Variants in HPSE2 observed in about 807,000 individuals in gnomAD.
The protein encoded by HPSE2 is heparanase 2 (inactive).
A neutral mutation model predicts 60.5 loss-of-function variants in HPSE2; 38 were observed. That is an observed-to-expected ratio of 0.63 (90% CI 0.48 to 0.82). HPSE2 has a LOEUF of 0.82. HPSE2 is among the 40% of genes least tolerant of loss of function. The probability of loss-of-function intolerance (pLI) is 0.00; values close to 1 mark genes in which losing one functional copy is unlikely to be tolerated. For synonymous variants in HPSE2, 295 were observed against 293.2 expected (o/e 1.01, Z -0.06); for missense variants, 713 against 740.4 (o/e 0.96, Z 0.43).
chr10:98,475,782 G>A (rs2133622111), intron 11 of HPSE2, among the ~76,000 whole-genome samples: 1 of 152,250 alleles, frequency 6.6e-6, no homozygotes, highest in East Asian at 1.9e-4. Flanking sequence ...AAAAAAATGT[G>A]CTTTTACTAG....
At chr10:98,549,423 C>G (rs1943794543) in intron 9 of HPSE2, among the ~76,000 whole-genome samples, 1 of 152,102 alleles carries the variant, frequency 6.6e-6, no homozygotes, top group Non-Finnish European at 1.5e-5. Flanking sequence ...CCTCTGGCCT[C>G]CTTCAGAAGT....
In HPSE2 at chr10:98,911,444, G is replaced by A. The variant is rs146309842; in HGVS notation, c.611-167388C>T. 5.1e-3 allele frequency among the ~76,000 whole-genome samples: 771 copies of A among 152,292 alleles called. 8 individuals carry two copies. The highest frequency in any genetic ancestry group is 0.018 in the African/African-American group (739 of 41,560). The stretch of plus-strand genomic sequence containing the variant: ...AAAGCCTCACAAAGAAAGGAACACT[G>A]GAGCTGGGTGTAGGAAAATGAATAG... On this transcript the variant is annotated intron_variant, in intron 3 of 11. Coordinates refer to ENST00000370552, the MANE Select transcript of HPSE2 (RefSeq NM_021828.5).
At chr10:99,063,251 C>G (rs946229273) in intron 3 of HPSE2, among the ~76,000 whole-genome samples, 1 of 151,474 alleles carries the variant, frequency 6.6e-6, no homozygotes, top group Non-Finnish European at 1.5e-5. Context: ...ATATTTATGA[C>G]AAGTATTTAA....
At chr10:99,098,015 T>G (rs2135625918) in intron 3 of HPSE2, among the ~76,000 whole-genome samples, 1 of 152,326 alleles carries the variant, frequency 6.6e-6, no homozygotes, top group African/African-American at 2.4e-5. Context: ...AGGGTCTATC[T>G]TTTCCATTTC....
chr10:98,733,560 G>T (rs565403537), intron 4 of HPSE2, among the ~76,000 whole-genome samples: 27 of 152,188 alleles, frequency 1.8e-4, no homozygotes, highest in Non-Finnish European at 3.2e-4. Context: ...ACATAGATTT[G>T]GTACTTACTG....
chr10:99,120,981 C>T (rs768708139), intron 3 of HPSE2, among the ~76,000 whole-genome samples: 10 of 152,198 alleles, frequency 6.6e-5, no homozygotes, highest in Non-Finnish European at 1.3e-4. Flanking sequence ...GAATGTAAAT[C>T]ATTGTATCAC....
At chr10:98,487,014 C>A (rs1024690719) in intron 10 of HPSE2, among the ~76,000 whole-genome samples, 3 of 152,118 alleles carry the variant, frequency 2.0e-5, no homozygotes, top group Non-Finnish European at 4.4e-5. Context: ...TCATGTTTTG[C>A]CAATAATAAA....
chr10:99,256,378 CAACCCA>C, the HPSE2 span, among the ~76,000 whole-genome samples: 1 of 848 alleles, frequency 1.2e-3, no homozygotes, highest in Admixed American at 7.6e-3. Flanking sequence ...TGTGTAGGGG[CAACCCA>C]CCCCTACAAG....
At chr10:99,087,277 C>T (rs1394912746) in intron 3 of HPSE2, among the ~76,000 whole-genome samples, 2 of 152,172 alleles carry the variant, frequency 1.3e-5, no homozygotes, top group Non-Finnish European at 2.9e-5. Context: ...TCAGTGTTGA[C>T]ATTACCACAG....
At chr10:99,223,570 A>G (rs935034474) in intron 2 of HPSE2, among the ~76,000 whole-genome samples, 1 of 152,158 alleles carries the variant, frequency 6.6e-6, no homozygotes, top group South Asian at 2.1e-4. Context: ...TTCACTCTTC[A>G]TTATCTGCTA....
At chr10:98,819,664 T>C (rs965852610) in intron 3 of HPSE2, among the ~76,000 whole-genome samples, 12 of 152,318 alleles carry the variant, frequency 7.9e-5, no homozygotes, top group Middle Eastern at 3.4e-3. Context: ...AAAGAGCTTT[T>C]TGAGGAAGTT....
At chr10:98,528,841 T>G (rs2133794735) in intron 9 of HPSE2, among the ~76,000 whole-genome samples, 1 of 152,320 alleles carries the variant, frequency 6.6e-6, no homozygotes, top group East Asian at 1.9e-4. Flanking sequence ...CCATGTATTT[T>G]TAAGAGAAAA....
chr10:99,251,819 G>C, the HPSE2 span, among the ~76,000 whole-genome samples: 1 of 129,278 alleles, frequency 7.7e-6, no homozygotes, highest in African/African-American at 3.0e-5. Flanking sequence ...GAGACGAAGA[G>C]TTTGAGACCA....
intron 3 of HPSE2, among the ~76,000 whole-genome samples, chr10:98,912,279 C>T (rs2135025692): frequency 6.6e-6 from 1 of 152,272 alleles, no homozygotes; most frequent in South Asian, 2.1e-4. Context: ...TGCTAGACAC[C>T]ATGCCTAGTA....
At chr10:99,293,523 T>C in the HPSE2 span, among the ~76,000 whole-genome samples, 1 of 152,216 alleles carries the variant, frequency 6.6e-6, no homozygotes, top group African/African-American at 2.4e-5. Flanking sequence ...GGATAACTTT[T>C]ACAGAAAGGG....
intron 3 of HPSE2, among the ~76,000 whole-genome samples, chr10:98,858,118 G>A (rs1477071884): frequency 1.3e-5 from 2 of 152,162 alleles, no homozygotes. Context: ...CTGAGGCTCA[G>A]AAAGTTTAAG....
At chr10:98,956,481 G>A (rs1168159673) in intron 3 of HPSE2, among the ~76,000 whole-genome samples, 1 of 152,140 alleles carries the variant, frequency 6.6e-6, no homozygotes, top group Non-Finnish European at 1.5e-5. Context: ...GAGGTAGATA[G>A]CTCGGGGCTA....
intron 3 of HPSE2, among the ~76,000 whole-genome samples, chr10:98,882,388 C>T (rs1953047748): frequency 6.6e-6 from 1 of 151,942 alleles, no homozygotes; most frequent in South Asian, 2.1e-4. Context: ...TGACTTACAA[C>T]AATATTTTTT....
At chr10:98,576,258 C>T (rs1012312726) in intron 9 of HPSE2, among the ~76,000 whole-genome samples, 4 of 151,544 alleles carry the variant, frequency 2.6e-5, no homozygotes, top group East Asian at 1.9e-4. Flanking sequence ...TATGAGAAGG[C>T]GGATTACATT....
Sources: allele counts gnomAD v4.1 joint callset (sites outside exome capture counted in the v4.1 genomes callset), GRCh38; gene constraint gnomAD v4.1.1; transcripts MANE v1.5; gene names NCBI Gene and HGNC (gene_info 2026-07-23, HGNC 2026-07-21).